The following HIP1R variants were observed in gnomAD, a reference collection of about 807,000 sequenced individuals.
The protein encoded by HIP1R is huntingtin-interacting protein 1-related protein.
HIP1R carries 135 observed loss-of-function variants against 144.2 expected under a neutral mutation model. The ratio of observed to expected loss-of-function variants is 0.94; its 90% CI spans 0.81 to 1.08. HIP1R has a LOEUF of 1.08. Ranked by LOEUF, HIP1R falls within the 50% of genes least tolerant of loss-of-function variation. HIP1R has a pLI of 0.00. For missense variants in HIP1R, 1,462 were observed against 1,432.8 expected, an observed-to-expected ratio of 1.02 and a Z score of -0.33; for synonymous variants, 698 against 612.8, an observed-to-expected ratio of 1.14 and a Z score of -2.05.
intron 1 of HIP1R, among the ~76,000 whole-genome samples, chr12:122,843,597 A>C (rs893749090): frequency 1.9e-4 from 29 of 151,796 alleles, no homozygotes; most frequent in Non-Finnish European, 7.4e-5. Context: ...CTTTGTCCCC[A>C]CTCTCTGTCC....
rs1205217798 is a variant in HIP1R at position 122,835,535 on chromosome 12, GGGC to G, written c.-6_-4del. The G allele has an allele frequency of 6.7e-6, 9 of 1,335,342 alleles. No homozygotes were observed. The highest frequency in any genetic ancestry group is 5.2e-5 in the South Asian group (3 of 57,788). The allele number at this position is 1,335,342 out of a possible 1,614,324, so 82.7% of individuals were successfully genotyped here. ...CGCGCGGACGGAGCCGGACAAAAGC[GGGC>G]GGCGGCGGCAGGATGAACAGCATCA... On this transcript the variant is annotated 5_prime_UTR_variant, in exon 1 of 32. Coordinates refer to ENST00000253083, the MANE Select transcript of HIP1R (RefSeq NM_003959.3).
rs2033324260 is a variant in HIP1R at position 122,849,919 on chromosome 12, C to T, written c.402C>T (p.Thr134=). ...ACGGACAGCTGGTGAATGTCTACAC[C>T]AAGCTGCTGCTGACCAAGATCTCCT... ...DRYGQLVNVY[T]KLLLTKISFH... The change falls in exon 5 of 32, where the codon ACC becomes ACT. Residue 134 remains threonine (T), a synonymous_variant. Transcript: ENST00000253083. 6.2e-7 allele frequency: 1 copy of T among 1,613,598 alleles called. No homozygotes were observed. The highest frequency in any genetic ancestry group is 1.7e-5 in the Admixed American group (1 of 60,018).
At chr12:122,860,571 T>G in intron 27 of HIP1R, 48 bp downstream of exon 27, 1 of 1,574,978 alleles carries the variant, frequency 6.3e-7, no homozygotes, top group Non-Finnish European at 8.7e-7. Flanking sequence ...TCCTGCCAGT[T>G]GGAGCAGTTT....
intron 3 of HIP1R, 37 bp downstream of exon 3, chr12:122,848,645 G>C (rs1269048004): frequency 6.3e-7 from 1 of 1,599,732 alleles, no homozygotes; most frequent in East Asian, 2.2e-5. Context: ...CCCGGAGCTG[G>C]GGCACTGTCC....
At position 122,836,095 on chromosome 12, in the gene HIP1R, C is replaced by G. The variant is rs1171265103; in HGVS notation, c.93+452C>G. 6.6e-6 allele frequency among the ~76,000 whole-genome samples: 1 copy of G among 152,142 alleles called. No homozygotes were observed. The highest frequency in any genetic ancestry group is 1.5e-5 in the Non-Finnish European group (1 of 68,010). On this transcript the variant is annotated intron_variant, in intron 1 of 31. Transcript: ENST00000253083. The surrounding 1 kb of genome is among the most constrained non-coding windows in gnomAD (Gnocchi z 4.1). The stretch of plus-strand genomic sequence containing the variant: ...GACTGGGGTCCCCGACCTTCCGTGC[C>G]GCTCCTTGCCGGCTCCTGCCCCCGT...
At chr12:122,849,004 C>T (rs1011053043) in intron 4 of HIP1R, 152 bp downstream of exon 4, 5 of 781,566 alleles carry the variant, frequency 6.4e-6, no homozygotes, top group Non-Finnish European at 1.1e-5. Context: ...GGAGATGCTG[C>T]CTGCCTTTGA....
intron 7 of HIP1R, among the ~76,000 whole-genome samples, chr12:122,852,939 C>T (rs527841885): frequency 5.9e-5 from 9 of 152,208 alleles, no homozygotes; most frequent in South Asian, 4.1e-4. Flanking sequence ...AGGCAAGGGG[C>T]GGCACTTTGT....
chr12:122,843,306 G>C (rs1380242841), intron 1 of HIP1R, among the ~76,000 whole-genome samples: 4 of 152,202 alleles, frequency 2.6e-5, no homozygotes, highest in Admixed American at 2.0e-4. Context: ...TGTTATTTAT[G>C]ACCTTGGACA....
At chr12:122,848,134 G>T (rs376982590) in intron 2 of HIP1R, 40 bp downstream of exon 2, 4 of 1,602,580 alleles carry the variant, frequency 2.5e-6, no homozygotes, top group African/African-American at 1.3e-5. Context: ...GTTGGGTGTG[G>T]ATGTGGGAGC....
chr12:122,847,307 G>C (rs1228621640), intron 1 of HIP1R, among the ~76,000 whole-genome samples: 3 of 152,194 alleles, frequency 2.0e-5, no homozygotes, highest in Non-Finnish European at 4.4e-5. Flanking sequence ...CCGGGGCGGG[G>C]GGGGAGGGGT....
At chr12:122,860,017 G>C in intron 24 of HIP1R, 30 bp from the exon 25 acceptor site, 1 of 1,542,738 alleles carries the variant, frequency 6.5e-7, no homozygotes, top group East Asian at 2.3e-5. Flanking sequence ...TCTGCAGAGC[G>C]GCAGCTAAGT....
intron 14 of HIP1R, 38 bp downstream of exon 14, chr12:122,856,201 TC>T (rs760187685): frequency 6.2e-6 from 10 of 1,611,938 alleles, no homozygotes; most frequent in Non-Finnish European, 8.5e-6. Flanking sequence ...CAAGGGTGTG[TC>T]CCCAGCCCCT....
At chr12:122,852,019 C>T (rs1054019335) in intron 7 of HIP1R, among the ~76,000 whole-genome samples, 1 of 152,226 alleles carries the variant, frequency 6.6e-6, no homozygotes, top group Non-Finnish European at 1.5e-5. Context: ...AGCGAGGGAA[C>T]CCGGCCGCTG....
Position 122,862,499 on chromosome 12 carries a change from A to AT in HIP1R, c.*748dup, listed in dbSNP as rs1366916199. 6.6e-6 allele frequency: 1 copy of AT among 152,022 alleles called. No individual in the cohort carries two copies. The highest frequency in any genetic ancestry group is 2.4e-5 in the African/African-American group (1 of 41,294). The allele number at this position is 152,022 out of a possible 1,614,324, so 9.4% of individuals were successfully genotyped here. The stretch of plus-strand genomic sequence containing the variant: ...CAGCCACCCCCATTTCCTGTTTTCC[A>AT]TTCCCCCGTTCTGGCCGCGCCCCAC... On this transcript the variant is annotated 3_prime_UTR_variant, in exon 32 of 32. Coordinates refer to ENST00000253083, the MANE Select transcript of HIP1R (RefSeq NM_003959.3).
rs752844128 is a variant in HIP1R, at chr12:122,861,137, T to C, written c.2897T>C (p.Met966Thr). 5.6e-6 allele frequency: 9 copies of C among 1,613,166 alleles called. No homozygotes were observed. The South Asian group carries it at 9.9e-5, about 18-fold the overall frequency. ...CCTTGTCCTCCGGCCACAGACACCATGGATTTCTCCGGCCTGTCCCTCATC... is the reference window on the plus strand; with the variant it reads ...CCTTGTCCTCCGGCCACAGACACCACGGATTTCTCCGGCCTGTCCCTCATC... ...GQEQIEDRDTMDFSGLSLIKL... is the reference protein window; with the variant it reads ...GQEQIEDRDTTDFSGLSLIKL... Residue 966 changes from methionine to threonine, a missense_variant, in exon 30 of 32, where the codon ATG (methionine) becomes ACG (threonine). Physicochemically the swap from Met to Thr is moderately conservative, Grantham distance 81. Around this residue, in one of 2 missense-constraint regions of HIP1R, gnomAD observed 1,112 missense variants for 1,011.7 expected, o/e 1.10. Transcript: ENST00000253083.
intron 7 of HIP1R, among the ~76,000 whole-genome samples, chr12:122,852,546 C>T (rs1427578409): frequency 2.6e-5 from 4 of 152,218 alleles, no homozygotes; most frequent in Non-Finnish European, 5.9e-5. Flanking sequence ...CCTGGTGACG[C>T]TGGTGTGTTG....
At chr12:122,859,691 G>T (rs2033705563) in intron 23 of HIP1R, 81 bp from the exon 24 acceptor site, 1 of 1,507,312 alleles carries the variant, frequency 6.6e-7, no homozygotes. Flanking sequence ...TCAGAGCTGA[G>T]AGGGCAGGAG....
intron 7 of HIP1R, among the ~76,000 whole-genome samples, chr12:122,852,198 T>G (rs1378827258): frequency 6.6e-6 from 1 of 152,230 alleles, no homozygotes. Flanking sequence ...GCAGCCTCCC[T>G]GAGTCCCCAG....
chr12:122,838,740 G>A (rs1242501330), intron 1 of HIP1R, among the ~76,000 whole-genome samples: 1 of 152,222 alleles, frequency 6.6e-6, no homozygotes, highest in African/African-American at 2.4e-5. Flanking sequence ...TGGGCTACCA[G>A]GTGGGCTCAG....
Sources: allele counts gnomAD v4.1 joint callset (sites outside exome capture counted in the v4.1 genomes callset), GRCh38; gene constraint gnomAD v4.1.1; regional missense constraint gnomAD v4.1.1; non-coding constraint Gnocchi (gnomAD v3.1); transcripts MANE v1.5; gene names NCBI Gene and HGNC (gene_info 2026-07-23, HGNC 2026-07-21).